FAM171A1: variants seen among roughly 807,000 people sequenced by gnomAD.
FAM171A1 encodes the protein family with sequence similarity 171 member A1, also known as protein FAM171A1.
In FAM171A1, 23 loss-of-function variants were observed where a neutral mutation model predicts 74.9. The ratio of observed to expected loss-of-function variants is 0.31; its 90% CI spans 0.22 to 0.44. FAM171A1 has a LOEUF of 0.44. FAM171A1 is among the 20% of genes least tolerant of loss of function. The probability of loss-of-function intolerance (pLI) is 1.00; values close to 1 mark genes in which losing one functional copy is unlikely to be tolerated. For missense variants in FAM171A1, 1,162 were observed against 1,159.2 expected (o/e 1.00, Z -0.03); for synonymous variants, 527 against 505.7 (o/e 1.04, Z -0.57).
intron 3 of FAM171A1, among the ~76,000 whole-genome samples, chr10:15,266,789 A>G (rs1205683597): frequency 2.7e-5 from 4 of 147,740 alleles, no homozygotes; most frequent in Admixed American, 6.9e-5. Context: ...GGATTGCTTG[A>G]GTCTGGGAGG....
chr10:15,227,431 G>A (rs138889786), intron 5 of FAM171A1, among the ~76,000 whole-genome samples: 130 of 152,302 alleles, frequency 8.5e-4, no homozygotes, highest in African/African-American at 2.8e-3. Context: ...TCACCCAGCT[G>A]GAGGGCAGTG....
chr10:15,231,442 A>G (rs1368766744), intron 5 of FAM171A1, among the ~76,000 whole-genome samples: 1 of 151,954 alleles, frequency 6.6e-6, no homozygotes, highest in East Asian at 1.9e-4. Context: ...AGTTCTAGTG[A>G]TCTTCTCCCC....
intron 1 of FAM171A1, among the ~76,000 whole-genome samples, chr10:15,328,444 G>A (rs1356709810): frequency 6.6e-6 from 1 of 152,246 alleles, no homozygotes; most frequent in East Asian, 1.9e-4. Flanking sequence ...ACGGCGCCTG[G>A]CCTGTTGTTG....
At chr10:15,370,835 C>T (rs1376578514) in intron 1 of FAM171A1, 121 bp downstream of exon 1, 6 of 287,454 alleles carry the variant, frequency 2.1e-5, no homozygotes, top group Non-Finnish European at 2.6e-5. Context: ...GCTCCCGATG[C>T]GGCTCGGGCT....
At chr10:15,266,563 A>C (rs888764310) in intron 3 of FAM171A1, among the ~76,000 whole-genome samples, 1 of 151,964 alleles carries the variant, frequency 6.6e-6, no homozygotes. Flanking sequence ...GCAAAAAGAA[A>C]AACACTCAGA....
chr10:15,329,133 G>C (rs1489394590), intron 1 of FAM171A1, among the ~76,000 whole-genome samples: 1 of 152,208 alleles, frequency 6.6e-6, no homozygotes, highest in African/African-American at 2.4e-5. Flanking sequence ...AAATATTAAA[G>C]AACTATGTGA....
chr10:15,311,663 C>T (rs763384665), intron 1 of FAM171A1, among the ~76,000 whole-genome samples: 5 of 152,056 alleles, frequency 3.3e-5, no homozygotes, highest in Admixed American at 1.3e-4. Flanking sequence ...CCTAGTAAGC[C>T]GCCCCACCCC....
At chr10:15,347,568 T>A (rs549966479) in intron 1 of FAM171A1, among the ~76,000 whole-genome samples, 3 of 152,136 alleles carry the variant, frequency 2.0e-5, no homozygotes, top group African/African-American at 7.2e-5. Context: ...CCGGGTGCAG[T>A]GGCTCATGCC....
Position 15,213,318 on chromosome 10 carries a change from C to T in FAM171A1, c.2270G>A (p.Gly757Glu). 6.2e-7 allele frequency: 1 copy of T among 1,614,142 alleles called. No individual in the cohort carries two copies. The highest frequency in any genetic ancestry group is 2.2e-5 in the East Asian group (1 of 44,874). The change falls in exon 8 of 8, where the codon GGA becomes GAA. Residue 757 changes from glycine to glutamate, a missense_variant. Physicochemically the swap from Gly to Glu is moderately conservative, Grantham distance 98. Coordinates refer to ENST00000378116, the MANE Select transcript of FAM171A1 (RefSeq NM_001010924.2). This position sits in a 1 kb window ranked among gnomAD's most constrained non-coding sequence, Gnocchi z 6.8. ...GTTCTGCTGCAGAGACAAAGCATCTCCCCTTCCCTTCCGGGCTGATTTTGG... is the reference window on the plus strand; with the variant it reads ...GTTCTGCTGCAGAGACAAAGCATCTTCCCTTCCCTTCCGGGCTGATTTTGG... ...NEPKSARKGR[G>E]DALSLQQNYP...
At chr10:15,272,202 A>T (rs1834834294) in intron 3 of FAM171A1, among the ~76,000 whole-genome samples, 1 of 152,184 alleles carries the variant, frequency 6.6e-6, no homozygotes, top group Non-Finnish European at 1.5e-5. Context: ...TCTACCAAGC[A>T]AACAGAAAAC....
chr10:15,287,383 C>T (rs922806805), intron 1 of FAM171A1, among the ~76,000 whole-genome samples: 12 of 149,034 alleles, frequency 8.1e-5, no homozygotes, highest in South Asian at 2.1e-4. Context: ...TGACCCACCG[C>T]GCCGGCCTCT....
intron 1 of FAM171A1, among the ~76,000 whole-genome samples, chr10:15,293,714 A>C (rs1835129267): frequency 6.6e-6 from 1 of 152,182 alleles, no homozygotes; most frequent in Non-Finnish European, 1.5e-5. Context: ...GATACTATGA[A>C]GGGTCGTGGC....
At chr10:15,325,810 G>T (rs764981608) in intron 1 of FAM171A1, among the ~76,000 whole-genome samples, 1 of 152,110 alleles carries the variant, frequency 6.6e-6, no homozygotes, top group Non-Finnish European at 1.5e-5. Flanking sequence ...GTGTGAATGC[G>T]GTAGGGAAGT....
Position 15,317,248 on chromosome 10 carries a change from C to T in FAM171A1, c.98-33143G>A, listed in dbSNP as rs12247118. Among the ~76,000 whole-genome samples, 464 of 152,152 alleles carry T rather than the reference C, an allele frequency of 3.0e-3. 4 individuals carry two copies. The highest frequency in any genetic ancestry group is 0.01 in the African/African-American group (420 of 41,508). ...GTCATGACGGGAGAGAGACAGGGGT[C>T]GCATTCAGCTTTAGAAACTTGAATG... On this transcript the variant is annotated intron_variant, in intron 1 of 7. Coordinates refer to ENST00000378116, the MANE Select transcript of FAM171A1 (RefSeq NM_001010924.2).
intron 5 of FAM171A1, among the ~76,000 whole-genome samples, chr10:15,246,415 C>G (rs902625387): frequency 6.6e-6 from 1 of 152,158 alleles, no homozygotes; most frequent in African/African-American, 2.4e-5. Context: ...TCTGTTTTAA[C>G]TGATTCGAGG....
rs190271086 is a variant in FAM171A1 at position 15,369,284 on chromosome 10, T to C, written c.97+1672A>G. Among the ~76,000 whole-genome samples, 52 of 150,622 alleles carry C rather than the reference T, an allele frequency of 3.5e-4. No homozygotes were observed. In the East Asian group the frequency reaches 7.1e-3, roughly 21 times the overall value. On this transcript the variant is annotated intron_variant, in intron 1 of 7. Coordinates refer to ENST00000378116, the MANE Select transcript of FAM171A1 (RefSeq NM_001010924.2). ...TTCAGAAGTGCATGAATTTAATATT[T>C]CCATATATTGGTATTTCAAGTGCAA...
Position 15,293,560 on chromosome 10 carries a change from T to A in FAM171A1, c.98-9455A>T, listed in dbSNP as rs560790989. ...GCTAGGAACCTGTAAAAAAAAAATA[T>A]ATATATATATAGCAAAGATGAGGTT... On this transcript the variant is annotated intron_variant, in intron 1 of 7. Coordinates refer to ENST00000378116, the MANE Select transcript of FAM171A1 (RefSeq NM_001010924.2). Among the ~76,000 whole-genome samples, 1,295 of 148,864 alleles carry A rather than the reference T, an allele frequency of 8.7e-3. 6 individuals carry two copies. The highest frequency in any genetic ancestry group is 0.02 in the Admixed American group (304 of 14,922).
chr10:15,290,837 G>C (rs761123797), intron 1 of FAM171A1, among the ~76,000 whole-genome samples: 5 of 152,190 alleles, frequency 3.3e-5, no homozygotes, highest in East Asian at 1.9e-4. Context: ...CCCACGGAGA[G>C]AGCTTTGTGC....
intron 1 of FAM171A1, among the ~76,000 whole-genome samples, chr10:15,291,667 T>C (rs1465955646): frequency 4.6e-5 from 7 of 152,224 alleles, no homozygotes; most frequent in Non-Finnish European, 1.0e-4. Flanking sequence ...AGTCCTTCAG[T>C]GGCTTAAAAG....
Sources: allele counts gnomAD v4.1 joint callset (sites outside exome capture counted in the v4.1 genomes callset), GRCh38; gene constraint gnomAD v4.1.1; non-coding constraint Gnocchi (gnomAD v3.1); transcripts MANE v1.5; gene names NCBI Gene and HGNC (gene_info 2026-07-23, HGNC 2026-07-21).